The following MACROD2 variants were observed in gnomAD, a reference collection of about 807,000 sequenced individuals.
MACROD2 encodes the protein ADP-ribose glycohydrolase MACROD2.
Under a neutral mutation model 70.4 loss-of-function variants are expected in MACROD2, and 36 were observed. The observed-to-expected ratio is 0.51, with a 90% CI of 0.39 to 0.68. The LOEUF is 0.68. MACROD2 is among the 30% of genes least tolerant of loss of function. MACROD2 has a pLI of 0.00. For missense variants in MACROD2, 496 were observed against 538.4 expected (o/e 0.92, Z 0.78); for synonymous variants, 172 against 178.8 (o/e 0.96, Z 0.30).
rs77378321 is a variant in MACROD2 at position 14,163,255 on chromosome 20, C to G, written c.271+77527C>G. Among the ~76,000 whole-genome samples the G allele has an allele frequency of 5.5e-3, 835 of 152,114 alleles. 3 individuals are homozygous for G. Among genetic ancestry groups the G allele is most frequent in the Non-Finnish European group, 9.8e-3 (664 of 67,958 alleles). On this transcript the variant is annotated intron_variant, in intron 3 of 17. Coordinates refer to ENST00000684519, the MANE Select transcript of MACROD2 (RefSeq NM_001351661.2). ...TGGCTGTCAGTTTTTTTTCTTTCAG[C>G]TCTTGTGAATATATCATCCTAAACT...
At chr20:14,630,124 G>A (rs181030742) in intron 4 of MACROD2, among the ~76,000 whole-genome samples, 2 of 152,150 alleles carry the variant, frequency 1.3e-5, no homozygotes, top group African/African-American at 4.8e-5. Flanking sequence ...GCAGGACCAG[G>A]CTTACAGTCT....
At chr20:15,180,687 G>T (rs565800957) in intron 5 of MACROD2, among the ~76,000 whole-genome samples, 1 of 152,056 alleles carries the variant, frequency 6.6e-6, no homozygotes, top group African/African-American at 2.4e-5. Flanking sequence ...TCTACGCTCC[G>T]TGGTTACAGG....
At chr20:14,899,050 G>C (rs954269593) in intron 5 of MACROD2, among the ~76,000 whole-genome samples, 1 of 152,086 alleles carries the variant, frequency 6.6e-6, no homozygotes, top group Non-Finnish European at 1.5e-5. Flanking sequence ...CCAACACTTA[G>C]TTATAGTTGT....
intron 3 of MACROD2, among the ~76,000 whole-genome samples, chr20:14,216,242 C>A (rs908229055): frequency 8.6e-5 from 13 of 152,000 alleles, no homozygotes; most frequent in African/African-American, 3.1e-4. Context: ...AATTATTCCA[C>A]CACCATTTGT....
intron 8 of MACROD2, among the ~76,000 whole-genome samples, chr20:15,769,988 GC>G (rs530276151): frequency 6.6e-6 from 1 of 151,212 alleles, no homozygotes; most frequent in Non-Finnish European, 1.5e-5. Context: ...GTGTGAGTGC[GC>G]CCCCCCACAC....
In MACROD2 at chr20:13,995,623, C is replaced by T. The variant is rs1385836826; in HGVS notation, c.-141C>T. The T allele has an allele frequency of 5.1e-6, 4 of 791,652 alleles. No homozygotes were observed. In the African/African-American group the frequency reaches 6.8e-5, roughly 14 times the overall value. 49.0% of individuals were successfully genotyped at this position (791,652 alleles called of 1,614,324 possible). A position where few individuals can be genotyped will look rare whatever the true frequency, so the allele number is the denominator to read the frequency against. ...AGGGCGGCGACTGGAGAGCGGCGAG[C>T]GGCGAGCAGCGCAGGACGCAGAGCC... On this transcript the variant is annotated 5_prime_UTR_variant, in exon 1 of 18. Transcript: ENST00000684519. This position sits in a 1 kb window ranked among gnomAD's most constrained non-coding sequence, Gnocchi z 4.3.
chr20:15,176,868 C>G (rs140186151), intron 5 of MACROD2, among the ~76,000 whole-genome samples: 100 of 152,156 alleles, frequency 6.6e-4, no homozygotes, highest in Non-Finnish European at 2.4e-4. Context: ...GCTGTGACAC[C>G]CTCTTTGGGG....
chr20:14,280,122 A>T (rs776455424), intron 3 of MACROD2, among the ~76,000 whole-genome samples: 1 of 152,152 alleles, frequency 6.6e-6, no homozygotes, highest in African/African-American at 2.4e-5. Context: ...TTTAATGTCT[A>T]TTTAGAACTT....
intron 7 of MACROD2, among the ~76,000 whole-genome samples, chr20:15,460,042 G>A (rs2046785937): frequency 6.6e-6 from 1 of 152,084 alleles, no homozygotes; most frequent in Non-Finnish European, 1.5e-5. Flanking sequence ...TCAGAGATGG[G>A]CACATTGATT....
At position 16,050,148 on chromosome 20, in the gene MACROD2, A is replaced by G; in HGVS notation, c.*272A>G. ...CCTTGTAATTTCTGTCTTTTCTCTT[A>G]CAACTTTGCCCCAGGGTCACAGTGG... On this transcript the variant is annotated 3_prime_UTR_variant, in exon 18 of 18. Coordinates refer to ENST00000684519, the MANE Select transcript of MACROD2 (RefSeq NM_001351661.2). 1 of 319,044 alleles carries G rather than the reference A, an allele frequency of 3.1e-6. No homozygotes were observed. The highest frequency in any genetic ancestry group is 6.5e-5 in the East Asian group (1 of 15,500). The allele number at this position is 319,044 out of a possible 1,614,324, so 19.8% of individuals were successfully genotyped here. A position where few individuals can be genotyped will look rare whatever the true frequency, so the allele number is the denominator to read the frequency against.
chr20:14,662,243 G>T (rs773208087), intron 4 of MACROD2, among the ~76,000 whole-genome samples: 2 of 152,034 alleles, frequency 1.3e-5, no homozygotes, highest in Admixed American at 1.3e-4. Context: ...AGTAGGGAAA[G>T]AATTTATTTA....
chr20:14,334,629 A>G (rs1170354419), intron 3 of MACROD2, among the ~76,000 whole-genome samples: 2 of 140,532 alleles, frequency 1.4e-5, no homozygotes, highest in African/African-American at 5.2e-5. Flanking sequence ...CCCGTTGAGA[A>G]GAACAGTGAA....
chr20:14,745,402 G>A (rs139565520), intron 5 of MACROD2, among the ~76,000 whole-genome samples: 206 of 152,202 alleles, frequency 1.4e-3, no homozygotes, highest in African/African-American at 4.8e-3. Context: ...TTAATGCTGC[G>A]GAATATCATG....
intron 5 of MACROD2, among the ~76,000 whole-genome samples, chr20:14,710,258 A>T (rs2071322229): frequency 2.6e-5 from 4 of 151,824 alleles, no homozygotes; most frequent in Admixed American, 2.6e-4. Context: ...GAAACACAGG[A>T]TGTACTTTGG....
intron 4 of MACROD2, among the ~76,000 whole-genome samples, chr20:14,673,875 G>A (rs370523440): frequency 8.8e-5 from 13 of 147,426 alleles, no homozygotes; most frequent in African/African-American, 2.8e-4. Context: ...AGCCAAGATC[G>A]TGCCACTGCA....
At chr20:15,107,548 C>T (rs1030943722) in intron 5 of MACROD2, among the ~76,000 whole-genome samples, 2 of 145,368 alleles carry the variant, frequency 1.4e-5, no homozygotes, top group Non-Finnish European at 3.0e-5. Flanking sequence ...TGCTTCCTAT[C>T]TTTTTTTTTT....
At chr20:15,976,630 G>T (rs145865883) in intron 13 of MACROD2, among the ~76,000 whole-genome samples, 137 of 152,330 alleles carry the variant, frequency 9.0e-4, no homozygotes, top group African/African-American at 2.8e-3. Context: ...GCGGTGCAAG[G>T]CAGTCAGGCA....
At chr20:14,611,273 G>A (rs549884221) in intron 4 of MACROD2, among the ~76,000 whole-genome samples, 2 of 152,184 alleles carry the variant, frequency 1.3e-5, no homozygotes, top group Admixed American at 1.3e-4. Context: ...ATGATCAAAT[G>A]TGCTAGTTTC....
intron 5 of MACROD2, among the ~76,000 whole-genome samples, chr20:15,097,458 C>G (rs1014547569): frequency 6.6e-6 from 1 of 151,994 alleles, no homozygotes; most frequent in Non-Finnish European, 1.5e-5. Flanking sequence ...ATTTTATTGC[C>G]ACTAATATAG....
Sources: gnomAD v4.1 joint callset for allele counts (sites outside exome capture counted in the v4.1 genomes callset) on GRCh38, gnomAD v4.1.1 for gene constraint, Gnocchi (gnomAD v3.1) non-coding constraint, MANE v1.5 for transcripts, NCBI Gene and HGNC (gene_info 2026-07-23, HGNC 2026-07-21) for gene names.